CDK14: variants seen among roughly 807,000 people sequenced by gnomAD.
The protein encoded by CDK14 is cyclin dependent kinase 14.
A neutral mutation model predicts 60.7 loss-of-function variants in CDK14; 34 were observed. The ratio of observed to expected loss-of-function variants is 0.56; its 90% CI spans 0.43 to 0.75. The LOEUF is 0.75. Ranked by LOEUF, CDK14 falls within the 30% of genes least tolerant of loss-of-function variation. The pLI is 0.00. For missense variants in CDK14, 482 were observed against 564.1 expected (o/e 0.85, Z 1.47); for synonymous variants, 197 against 203.7 (o/e 0.97, Z 0.28).
intron 1 of CDK14, among the ~76,000 whole-genome samples, chr7:90,601,010 T>C (rs1799303877): frequency 6.6e-6 from 1 of 152,222 alleles, no homozygotes; most frequent in Non-Finnish European, 1.5e-5. Context: ...CAATATAAAG[T>C]GACAGATTCT....
At chr7:90,759,129 G>A (rs982142421) in intron 4 of CDK14, among the ~76,000 whole-genome samples, 2 of 151,966 alleles carry the variant, frequency 1.3e-5, no homozygotes, top group Non-Finnish European at 2.9e-5. Context: ...AATGAAGAGA[G>A]GATGATGTTG....
chr7:90,712,690 G>C (rs1802109281), intron 2 of CDK14, among the ~76,000 whole-genome samples: 1 of 152,184 alleles, frequency 6.6e-6, no homozygotes, highest in East Asian at 1.9e-4. Context: ...TTTATCTATG[G>C]ATGTATTATA....
chr7:90,855,042 G>C (rs1022650659), intron 5 of CDK14, among the ~76,000 whole-genome samples: 50 of 152,198 alleles, frequency 3.3e-4, no homozygotes, highest in African/African-American at 1.2e-3. Context: ...AGATTAACTA[G>C]AGCATGGAAC....
At chr7:90,773,938 C>G (rs1357820940) in intron 4 of CDK14, among the ~76,000 whole-genome samples, 1 of 118,432 alleles carries the variant, frequency 8.4e-6, no homozygotes, top group Non-Finnish European at 1.6e-5. Flanking sequence ...GAGTCTTGCT[C>G]TGTTGCCCAG....
chr7:90,855,605 T>C (rs1790795235), intron 5 of CDK14, among the ~76,000 whole-genome samples: 1 of 152,204 alleles, frequency 6.6e-6, no homozygotes, highest in Admixed American at 6.6e-5. Context: ...TTGGTGGTGA[T>C]TTGGTAGCAG....
rs895763905 is a variant in CDK14, at chr7:90,596,342, GGGCGGC to G, written c.-278_-273del. Among the ~76,000 whole-genome samples, 2 of 150,158 alleles carry G rather than the reference GGGCGGC, an allele frequency of 1.3e-5. No individual in the cohort carries two copies. Among genetic ancestry groups the G allele is most frequent in the Non-Finnish European group, 3.0e-5 (2 of 67,398 alleles). On this transcript the variant is annotated 5_prime_UTR_variant, in exon 1 of 15. Coordinates refer to ENST00000380050, the MANE Select transcript of CDK14 (RefSeq NM_001287135.2). ...CGTTACAAAGGAGGGAAAATGAGCC[GGGCGGC>G]GGCGGCGCGGCGCGGGGCCACCACG...
chr7:91,026,209 G>A (rs1277617175), intron 10 of CDK14, among the ~76,000 whole-genome samples: 1 of 152,182 alleles, frequency 6.6e-6, no homozygotes, highest in African/African-American at 2.4e-5. Flanking sequence ...CAGAGGAAGA[G>A]TAGAACAGAG....
At chr7:91,108,816 G>A (rs1170720509) in intron 12 of CDK14, among the ~76,000 whole-genome samples, 1 of 152,176 alleles carries the variant, frequency 6.6e-6, no homozygotes, top group Non-Finnish European at 1.5e-5. Flanking sequence ...ACATTGCACA[G>A]AAGCACATAT....
At chr7:90,867,668 T>G (rs889655808) in intron 6 of CDK14, among the ~76,000 whole-genome samples, 2 of 152,092 alleles carry the variant, frequency 1.3e-5, no homozygotes, top group African/African-American at 4.8e-5. Flanking sequence ...GTTTCAGGTT[T>G]TTTTTGGAGG....
At chr7:90,725,458 ATCTGTGGGT>A (rs1415533713) in intron 2 of CDK14, among the ~76,000 whole-genome samples, 3 of 152,138 alleles carry the variant, frequency 2.0e-5, no homozygotes, top group Non-Finnish European at 4.4e-5. Flanking sequence ...AGCTCTGTGT[ATCTGTGGGT>A]TCTGTATGCA....
At chr7:90,726,367 G>C in intron 2 of CDK14, 200 bp from the exon 3 acceptor site, 1 of 1,317,642 alleles carries the variant, frequency 7.6e-7, no homozygotes, top group South Asian at 1.6e-5. Flanking sequence ...GTAAGCTCTA[G>C]TGTGAGATCT....
At chr7:90,810,314 A>T (rs1476424384) in intron 5 of CDK14, among the ~76,000 whole-genome samples, 1 of 152,222 alleles carries the variant, frequency 6.6e-6, no homozygotes, top group East Asian at 1.9e-4. Context: ...GGCTGGTTCA[A>T]CATATGCAAA....
chr7:90,795,044 CT>C (rs1391314162), intron 5 of CDK14, among the ~76,000 whole-genome samples: 1 of 152,026 alleles, frequency 6.6e-6, no homozygotes, highest in Non-Finnish European at 1.5e-5. Context: ...TTTTTAATGT[CT>C]TACTGAGCAT....
At chr7:91,056,261 C>T (rs1402605952) in intron 11 of CDK14, among the ~76,000 whole-genome samples, 8 of 152,102 alleles carry the variant, frequency 5.3e-5, no homozygotes, top group Admixed American at 3.3e-4. Flanking sequence ...GGATTCCACA[C>T]CACTATGAGA....
intron 14 of CDK14, among the ~76,000 whole-genome samples, chr7:91,129,062 T>G (rs1034778178): frequency 1.3e-5 from 2 of 152,184 alleles, no homozygotes; most frequent in Non-Finnish European, 2.9e-5. Context: ...GAAATGATAG[T>G]TTTATCATCG....
At chr7:91,112,418 C>A in intron 12 of CDK14, 124 bp from the exon 13 acceptor site, 1 of 1,019,784 alleles carries the variant, frequency 9.8e-7, no homozygotes, top group Non-Finnish European at 1.4e-6. Context: ...CTGTTTATTT[C>A]AGCAGGTAAT....
At chr7:90,807,444 T>C (rs1466975419) in intron 5 of CDK14, among the ~76,000 whole-genome samples, 1 of 151,966 alleles carries the variant, frequency 6.6e-6, no homozygotes, top group African/African-American at 2.4e-5. Flanking sequence ...AGAAAGGACA[T>C]CCACACCAAA....
chr7:90,741,884 T>C (rs1431982511), intron 3 of CDK14, among the ~76,000 whole-genome samples: 2 of 152,144 alleles, frequency 1.3e-5, no homozygotes, highest in East Asian at 3.8e-4. Flanking sequence ...TTATTTCAGA[T>C]ACACAGTATA....
chr7:90,665,364 G>A (rs1257651994), intron 2 of CDK14, among the ~76,000 whole-genome samples: 1 of 152,168 alleles, frequency 6.6e-6, no homozygotes, highest in African/African-American at 2.4e-5. Context: ...TGCCCTCTAT[G>A]GCAGGTACTG....
Sources: allele counts gnomAD v4.1 joint callset (sites outside exome capture counted in the v4.1 genomes callset), GRCh38; gene constraint gnomAD v4.1.1; transcripts MANE v1.5; gene names NCBI Gene and HGNC (gene_info 2026-07-23, HGNC 2026-07-21).